RALA: variants seen among roughly 807,000 people sequenced by gnomAD.
RALA encodes the protein RAS like proto-oncogene A, also known as ras-related protein Ral-A.
A neutral mutation model predicts 24.0 loss-of-function variants in RALA; 5 were observed. The ratio of observed to expected loss-of-function variants is 0.21; its 90% CI spans 0.11 to 0.44. RALA has a LOEUF of 0.44. Ranked by LOEUF, RALA falls within the 20% of genes least tolerant of loss-of-function variation. The pLI is 0.99. For synonymous variants in RALA, 77 were observed against 83.8 expected (o/e 0.92, Z 0.44); for missense variants, 95 against 241.2 (o/e 0.39, Z 4.01).
At chr7:39,657,541 T>C (rs1342246288) in intron 1 of RALA, among the ~76,000 whole-genome samples, 1 of 152,196 alleles carries the variant, frequency 6.6e-6, no homozygotes, top group Non-Finnish European at 1.5e-5. Context: ...AAAGCCCTAC[T>C]TTCTGTGGGG....
chr7:39,669,729 C>T (rs1010299146), intron 1 of RALA, among the ~76,000 whole-genome samples: 9 of 151,634 alleles, frequency 5.9e-5, no homozygotes, highest in Non-Finnish European at 7.4e-5. Flanking sequence ...TTGCTTGAGC[C>T]CAGGAGTTTA....
rs144852905 is a variant in RALA, at chr7:39,641,763, G to C, written c.-38+17938G>C. ...GGATGGTGATGGTGATGGTGTTATT[G>C]ATGTAGTTTTTGTGATTTTCTTGCT... On this transcript the variant is annotated intron_variant, in intron 1 of 4. Transcript: ENST00000005257. 8.9e-4 allele frequency among the ~76,000 whole-genome samples: 135 copies of C among 152,218 alleles called. 1 individual carries two copies. Among genetic ancestry groups the C allele is most frequent in the African/African-American group, 3.1e-3 (130 of 41,538 alleles).
intron 1 of RALA, among the ~76,000 whole-genome samples, chr7:39,640,848 T>G (rs575065726): frequency 6.8e-4 from 104 of 152,374 alleles, no homozygotes; most frequent in Non-Finnish European, 1.5e-5. Flanking sequence ...CTCTTTCAGT[T>G]GTAAGAGCCA....
At chr7:39,666,340 A>G (rs1257661883) in intron 1 of RALA, among the ~76,000 whole-genome samples, 1 of 152,218 alleles carries the variant, frequency 6.6e-6, no homozygotes, top group Non-Finnish European at 1.5e-5. Context: ...GAGGAGCTCA[A>G]GTTCCACCTG....
intron 1 of RALA, among the ~76,000 whole-genome samples, chr7:39,652,911 A>G (rs777375336): frequency 2.0e-5 from 3 of 152,048 alleles, no homozygotes; most frequent in Non-Finnish European, 4.4e-5. Context: ...GATTACAGGC[A>G]TGCACCACCA....
chr7:39,639,845 C>T (rs1365443734), intron 1 of RALA, among the ~76,000 whole-genome samples: 2 of 152,118 alleles, frequency 1.3e-5, no homozygotes, highest in Non-Finnish European at 2.9e-5. Flanking sequence ...CACACGCACA[C>T]TCACTCAGAC....
chr7:39,648,610 C>G (rs1439269658), intron 1 of RALA, among the ~76,000 whole-genome samples: 3 of 152,126 alleles, frequency 2.0e-5, no homozygotes, highest in African/African-American at 7.2e-5. Flanking sequence ...GCTAATCTTC[C>G]AGTAGAAGGA....
At chr7:39,626,658 G>C (rs144837703) in intron 1 of RALA, among the ~76,000 whole-genome samples, 1 of 152,280 alleles carries the variant, frequency 6.6e-6, no homozygotes, top group South Asian at 2.1e-4. Context: ...CATTTTTCCC[G>C]TGGGTGTCCC....
intron 1 of RALA, among the ~76,000 whole-genome samples, chr7:39,683,570 G>C (rs931984997): frequency 6.6e-6 from 1 of 152,094 alleles, no homozygotes; most frequent in African/African-American, 2.4e-5. Context: ...ACAATATCTA[G>C]ACCAGGGCTT....
intron 1 of RALA, among the ~76,000 whole-genome samples, chr7:39,676,518 T>C (rs1442846150): frequency 6.6e-6 from 1 of 152,164 alleles, no homozygotes; most frequent in Non-Finnish European, 1.5e-5. Context: ...AATCCAAAAA[T>C]CCCAAATGCT....
At chr7:39,639,839 C>A (rs545506906) in intron 1 of RALA, among the ~76,000 whole-genome samples, 1 of 152,052 alleles carries the variant, frequency 6.6e-6, no homozygotes, top group South Asian at 2.1e-4. Context: ...CATGCACACA[C>A]GCACACTCAC....
At chr7:39,673,384 T>C (rs1429823351) in intron 1 of RALA, among the ~76,000 whole-genome samples, 1 of 152,192 alleles carries the variant, frequency 6.6e-6, no homozygotes, top group Admixed American at 6.5e-5. Context: ...ATACACTCTT[T>C]ATGTCTCAAG....
chr7:39,641,242 T>C (rs1361888776), intron 1 of RALA, among the ~76,000 whole-genome samples: 1 of 152,210 alleles, frequency 6.6e-6, no homozygotes, highest in Non-Finnish European at 1.5e-5. Context: ...AAGTAATGAA[T>C]AGAAGGTTAA....
intron 4 of RALA, among the ~76,000 whole-genome samples, chr7:39,701,861 C>T (rs1211675482): frequency 6.6e-6 from 1 of 152,202 alleles, no homozygotes; most frequent in East Asian, 1.9e-4. Flanking sequence ...AAAGGAACAT[C>T]TGGGCAATCC....
chr7:39,662,237 C>A (rs1015743741), intron 1 of RALA, among the ~76,000 whole-genome samples: 2 of 151,752 alleles, frequency 1.3e-5, no homozygotes, highest in African/African-American at 4.8e-5. Flanking sequence ...ACCCTGGAGA[C>A]ATTTTCCCCA....
intron 3 of RALA, among the ~76,000 whole-genome samples, chr7:39,692,032 G>A (rs1042477847): frequency 6.6e-5 from 10 of 152,086 alleles, no homozygotes; most frequent in African/African-American, 1.2e-4. Context: ...CTCTTAGGGC[G>A]TACCTCCAAT....
chr7:39,675,652 G>A (rs1159844265), intron 1 of RALA, among the ~76,000 whole-genome samples: 1 of 151,414 alleles, frequency 6.6e-6, no homozygotes, highest in Non-Finnish European at 1.5e-5. Flanking sequence ...CTTAAGCCCA[G>A]CAGGTCAAGT....
chr7:39,696,157 T>G (rs992089378), intron 3 of RALA, among the ~76,000 whole-genome samples: 3 of 152,238 alleles, frequency 2.0e-5, no homozygotes, highest in African/African-American at 7.2e-5. Flanking sequence ...ATGCAAAATC[T>G]ATGCTCAAGG....
At chr7:39,650,690 A>G (rs1398866719) in intron 1 of RALA, among the ~76,000 whole-genome samples, 2 of 152,192 alleles carry the variant, frequency 1.3e-5, no homozygotes, top group African/African-American at 4.8e-5. Flanking sequence ...GTTATAAATT[A>G]CCAATATCTT....
Sources: gnomAD v4.1 joint callset for allele counts (sites outside exome capture counted in the v4.1 genomes callset) on GRCh38, gnomAD v4.1.1 for gene constraint, MANE v1.5 for transcripts, NCBI Gene and HGNC (gene_info 2026-07-23, HGNC 2026-07-21) for gene names.